SPDYA: variants seen among roughly 807,000 people sequenced by gnomAD.
SPDYA encodes the protein speedy protein A.
SPDYA carries 11 observed loss-of-function variants against 36.7 expected under a neutral mutation model. The observed-to-expected ratio is 0.30, with a 90% CI of 0.19 to 0.50. The LOEUF is 0.50. SPDYA is among the 20% of genes least tolerant of loss of function. The pLI, the probability that SPDYA is intolerant of heterozygous loss-of-function variation, is 0.98. For missense variants in SPDYA, 287 were observed against 370.9 expected, an observed-to-expected ratio of 0.77 and a Z score of 1.86; for synonymous variants, 115 against 118.7, an observed-to-expected ratio of 0.97 and a Z score of 0.20.
chr2:28,832,180 C>T (rs1374808285), intron 6 of SPDYA, among the ~76,000 whole-genome samples: 1 of 152,148 alleles, frequency 6.6e-6, no homozygotes, highest in Non-Finnish European at 1.5e-5. Flanking sequence ...AAGTATTTTT[C>T]CTATCATTCT....
chr2:28,819,401 A>G (rs1307313657), intron 4 of SPDYA, among the ~76,000 whole-genome samples: 1 of 151,996 alleles, frequency 6.6e-6, no homozygotes, highest in African/African-American at 2.4e-5. Flanking sequence ...CCAGCCACCC[A>G]GCTGAGGTGG....
At chr2:28,836,411 G>C (rs528470350) in intron 6 of SPDYA, among the ~76,000 whole-genome samples, 1 of 152,286 alleles carries the variant, frequency 6.6e-6, no homozygotes, top group East Asian at 1.9e-4. Flanking sequence ...ATTGTGATTT[G>C]TCCATGGCCA....
rs1050366454 is a variant in SPDYA, at chr2:28,850,365, A to G, written c.*424A>G. 3 of 1,610,704 alleles carry G rather than the reference A, an allele frequency of 1.9e-6. No homozygotes were observed. The highest frequency in any genetic ancestry group is 2.5e-6 in the Non-Finnish European group (3 of 1,178,402). ...GTTGCCAGTGTACTGGTCTAGCAAC[A>G]TAGGGAAATGATCCATATGGAAAAT... On this transcript the variant is annotated 3_prime_UTR_variant, in exon 8 of 8. Coordinates refer to ENST00000334056, the MANE Select transcript of SPDYA (RefSeq NM_182756.4).
chr2:28,835,156 G>A (rs1194408782), intron 6 of SPDYA, among the ~76,000 whole-genome samples: 4 of 151,920 alleles, frequency 2.6e-5, no homozygotes, highest in African/African-American at 9.7e-5. Context: ...TGAACTCCTG[G>A]GCTCAAGCAA....
At chr2:28,818,335 C>T (rs1301582041) in intron 3 of SPDYA, among the ~76,000 whole-genome samples, 1 of 151,142 alleles carries the variant, frequency 6.6e-6, no homozygotes, top group African/African-American at 2.4e-5. Flanking sequence ...GGCGTGGTGG[C>T]ATATGCACCT....
At chr2:28,841,811 C>T (rs1323664481) in intron 7 of SPDYA, among the ~76,000 whole-genome samples, 1 of 152,058 alleles carries the variant, frequency 6.6e-6, no homozygotes, top group African/African-American at 2.4e-5. Flanking sequence ...GCAAGAGGAT[C>T]ACTTGAGGCC....
intron 6 of SPDYA, among the ~76,000 whole-genome samples, chr2:28,830,546 G>A (rs544465263): frequency 6.6e-6 from 1 of 152,088 alleles, no homozygotes; most frequent in Non-Finnish European, 1.5e-5. Flanking sequence ...CTGTCTAAAG[G>A]ATCATCAATA....
At chr2:28,830,608 A>G (rs1316712944) in intron 6 of SPDYA, among the ~76,000 whole-genome samples, 2 of 152,208 alleles carry the variant, frequency 1.3e-5, no homozygotes, top group South Asian at 2.1e-4. Flanking sequence ...TAGGATTACA[A>G]TAACACTGGA....
At position 28,848,629 on chromosome 2, in the gene SPDYA, C is replaced by T. The variant is rs548450579; in HGVS notation, c.851-1221C>T. On this transcript the variant is annotated intron_variant, in intron 7 of 7. Transcript: ENST00000334056. ...AGAGATTTTACTTTAAAATGTCCTACGTTCTATAATATGTTATTTAATAAA... is the reference window on the plus strand; with the variant it reads ...AGAGATTTTACTTTAAAATGTCCTATGTTCTATAATATGTTATTTAATAAA... Among the ~76,000 whole-genome samples, 6 of 152,176 alleles carry T rather than the reference C, an allele frequency of 3.9e-5. No individual in the cohort carries two copies. In the South Asian group the frequency reaches 1.2e-3, roughly 32 times the overall value.
intron 7 of SPDYA, among the ~76,000 whole-genome samples, chr2:28,844,200 T>G (rs1160062200): frequency 6.6e-6 from 1 of 152,218 alleles, no homozygotes; most frequent in Non-Finnish European, 1.5e-5. Context: ...AGGGCTGTGC[T>G]AAGTATATGA....
At chr2:28,824,485 A>AC (rs1032134606) in intron 5 of SPDYA, among the ~76,000 whole-genome samples, 2 of 100,306 alleles carry the variant, frequency 2.0e-5, no homozygotes, top group African/African-American at 4.1e-5. Flanking sequence ...GGAGAAAAAA[A>AC]AAAAAACAAA....
chr2:28,837,705 G>A (rs1014075947), intron 6 of SPDYA, among the ~76,000 whole-genome samples: 8 of 148,886 alleles, frequency 5.4e-5, no homozygotes, highest in African/African-American at 2.0e-4. Flanking sequence ...CAGCACTCCA[G>A]TATTCAGGCC....
chr2:28,819,158 C>T, intron 4 of SPDYA, 52 bp downstream of exon 4: 1 of 1,333,142 alleles, frequency 7.5e-7, no homozygotes, highest in Non-Finnish European at 1.1e-6. Flanking sequence ...GTAACTGAAC[C>T]ATTAGAGCTT....
chr2:28,845,027 C>A (rs1428781899), intron 7 of SPDYA, among the ~76,000 whole-genome samples: 13 of 152,292 alleles, frequency 8.5e-5, no homozygotes. Flanking sequence ...CTTAAGCAAT[C>A]CTCCACCTCT....
intron 4 of SPDYA, among the ~76,000 whole-genome samples, chr2:28,820,897 C>T (rs1224263928): frequency 1.3e-5 from 2 of 152,064 alleles, no homozygotes; most frequent in African/African-American, 2.4e-5. Context: ...TTAAAACATA[C>T]ACAATTTGAA....
intron 7 of SPDYA, among the ~76,000 whole-genome samples, chr2:28,845,283 A>T (rs1572518480): frequency 7.5e-6 from 1 of 134,212 alleles, no homozygotes; most frequent in Non-Finnish European, 1.6e-5. Context: ...TTTTGTAGAG[A>T]CTTCCTATGT....
intron 7 of SPDYA, among the ~76,000 whole-genome samples, chr2:28,844,911 C>A (rs1668834033): frequency 6.6e-6 from 1 of 151,894 alleles, no homozygotes; most frequent in South Asian, 2.1e-4. Context: ...CCAGCCTGGG[C>A]AACAGAGTGA....
intron 5 of SPDYA, among the ~76,000 whole-genome samples, chr2:28,823,428 G>T (rs1307716148): frequency 6.6e-6 from 1 of 151,732 alleles, no homozygotes; most frequent in African/African-American, 2.4e-5. Flanking sequence ...TTCGATACCA[G>T]CCTGGCCAAC....
chr2:28,847,727 C>T (rs1367445644), intron 7 of SPDYA, among the ~76,000 whole-genome samples: 1 of 130,632 alleles, frequency 7.7e-6, no homozygotes, highest in Admixed American at 8.7e-5. Context: ...GCCTGGGCAA[C>T]AGAGCAAGAC....
Sources: gnomAD v4.1 joint callset for allele counts (sites outside exome capture counted in the v4.1 genomes callset) on GRCh38, gnomAD v4.1.1 for gene constraint, MANE v1.5 for transcripts, NCBI Gene and HGNC (gene_info 2026-07-23, HGNC 2026-07-21) for gene names.